PRTFDC1: variants seen among roughly 807,000 people sequenced by gnomAD.
The protein encoded by PRTFDC1 is phosphoribosyl transferase domain containing 1, also known as phosphoribosyltransferase domain-containing protein 1.
In PRTFDC1, 38 loss-of-function variants were observed where a neutral mutation model predicts 34.6. That is an observed-to-expected ratio of 1.10 (90% CI 0.85 to 1.44). PRTFDC1 has a LOEUF of 1.44. Ranked by LOEUF, PRTFDC1 falls within the 40% of genes most tolerant of loss-of-function variation. The probability of loss-of-function intolerance (pLI) is 0.00; values close to 1 mark genes in which losing one functional copy is unlikely to be tolerated. For synonymous variants in PRTFDC1, 93 were observed against 98.1 expected (o/e 0.95, Z 0.31); for missense variants, 270 against 283.0 (o/e 0.95, Z 0.33).
At chr10:24,925,437 A>G (rs1185187317) in intron 3 of PRTFDC1, among the ~76,000 whole-genome samples, 1 of 152,212 alleles carries the variant, frequency 6.6e-6, no homozygotes, top group Non-Finnish European at 1.5e-5. Flanking sequence ...AAACCTGCAC[A>G]TTGTGCACAT....
At chr10:24,904,538 T>C (rs1442262576) in intron 3 of PRTFDC1, among the ~76,000 whole-genome samples, 2 of 152,208 alleles carry the variant, frequency 1.3e-5, no homozygotes, top group Non-Finnish European at 2.9e-5. Flanking sequence ...GTCTGCTACA[T>C]GGAAGCCTGG....
chr10:24,900,622 T>A (rs547493310), intron 3 of PRTFDC1, among the ~76,000 whole-genome samples: 8 of 152,234 alleles, frequency 5.3e-5, no homozygotes, highest in Admixed American at 5.2e-4. Context: ...CTCTTTATTC[T>A]TTTAAATATT....
At chr10:24,928,867 CT>C (rs1848922521) in intron 3 of PRTFDC1, among the ~76,000 whole-genome samples, 1 of 151,508 alleles carries the variant, frequency 6.6e-6, no homozygotes, top group African/African-American at 2.4e-5. Flanking sequence ...GAAACCCTGT[CT>C]CTACTAAAAA....
At chr10:24,864,311 T>C (rs753824191) in intron 4 of PRTFDC1, among the ~76,000 whole-genome samples, 9 of 152,180 alleles carry the variant, frequency 5.9e-5, no homozygotes, top group Non-Finnish European at 1.3e-4. Flanking sequence ...AGGATTAACT[T>C]CAATTTTGAA....
At chr10:24,907,861 A>G (rs1848561327) in intron 3 of PRTFDC1, among the ~76,000 whole-genome samples, 1 of 152,234 alleles carries the variant, frequency 6.6e-6, no homozygotes, top group African/African-American at 2.4e-5. Flanking sequence ...TTTTAAAACT[A>G]CAAGTTCATT....
At chr10:24,895,726 T>TATATATATA (rs1429341736) in intron 3 of PRTFDC1, among the ~76,000 whole-genome samples, 1 of 140,854 alleles carries the variant, frequency 7.1e-6, no homozygotes, top group African/African-American at 2.6e-5. Context: ...TATATATATA[T>TATATATATA]ATCTGTAAAT....
At chr10:24,943,382 T>A (rs1456368516) in intron 1 of PRTFDC1, among the ~76,000 whole-genome samples, 1 of 152,078 alleles carries the variant, frequency 6.6e-6, no homozygotes, top group Non-Finnish European at 1.5e-5. Flanking sequence ...CCCTCTCGCT[T>A]AGGACTTGAT....
chr10:24,890,134 T>C (rs1252900014), intron 3 of PRTFDC1, among the ~76,000 whole-genome samples: 1 of 152,192 alleles, frequency 6.6e-6, no homozygotes, highest in African/African-American at 2.4e-5. Flanking sequence ...TGTACCAATT[T>C]GTTGGCGGAA....
intron 4 of PRTFDC1, among the ~76,000 whole-genome samples, chr10:24,866,115 C>A (rs1336289796): frequency 4.6e-5 from 7 of 152,006 alleles, no homozygotes; most frequent in African/African-American, 1.7e-4. Context: ...AATCTCAGCA[C>A]TTTGGGAGGC....
At chr10:24,850,003 A>C in intron 8 of PRTFDC1, 112 bp from the exon 9 acceptor site, 3 of 975,188 alleles carry the variant, frequency 3.1e-6, no homozygotes, top group Non-Finnish European at 4.9e-6. Flanking sequence ...TGATCATTTA[A>C]ATAGAAATGT....
chr10:24,884,986 C>A, intron 3 of PRTFDC1, among the ~76,000 whole-genome samples: 1 of 152,188 alleles, frequency 6.6e-6, no homozygotes. Context: ...GTCCTGTCCC[C>A]ACCTGGGGGC....
At position 24,920,545 on chromosome 10, in the gene PRTFDC1, C is replaced by T. The variant is rs138992507; in HGVS notation, c.339+16639G>A. On this transcript the variant is annotated intron_variant, in intron 3 of 8. Coordinates refer to ENST00000320152, the MANE Select transcript of PRTFDC1 (RefSeq NM_020200.7). ...TAGGTCCTGTTGGGGATGGAAGATG[C>T]GGCGACAGCATCAGGATAAATAGCT... Among the ~76,000 whole-genome samples, 401 of 151,058 alleles carry T rather than the reference C, an allele frequency of 2.7e-3. 2 individuals carry two copies. The highest frequency in any genetic ancestry group is 8.3e-3 in the African/African-American group (339 of 40,656).
intron 3 of PRTFDC1, among the ~76,000 whole-genome samples, chr10:24,928,903 G>C (rs1848924554): frequency 6.6e-6 from 1 of 151,684 alleles, no homozygotes; most frequent in Admixed American, 6.6e-5. Flanking sequence ...AGCCGGGCGT[G>C]GTGGCGGGCG....
chr10:24,856,933 G>A lies in PRTFDC1; in HGVS notation c.486C>T (p.Pro162=). 1.2e-6 allele frequency: 2 copies of A among 1,613,050 alleles called. No homozygotes were observed. The highest frequency in any genetic ancestry group is 1.7e-6 in the Non-Finnish European group (2 of 1,179,026). Residue 162 remains proline (P), a synonymous_variant, in exon 6 of 9, where the codon CCC becomes CCT. Coordinates refer to ENST00000320152, the MANE Select transcript of PRTFDC1 (RefSeq NM_020200.7). ...ALLSNIEKYK[P]NMIKVASLLV... ...CTCACCTGGCTACCTTAATCATGTT[G>A]GGCTTGTATTTCTCTATATTGCTGA...
At chr10:24,919,353 G>A (rs907588491) in intron 3 of PRTFDC1, among the ~76,000 whole-genome samples, 5 of 152,122 alleles carry the variant, frequency 3.3e-5, no homozygotes, top group Middle Eastern at 3.2e-3. Flanking sequence ...TCTGATCTTT[G>A]ACAAACCAGA....
At chr10:24,882,789 T>C (rs980704581) in intron 3 of PRTFDC1, among the ~76,000 whole-genome samples, 1 of 151,412 alleles carries the variant, frequency 6.6e-6, no homozygotes, top group African/African-American at 2.4e-5. Flanking sequence ...TACAGGTGTG[T>C]GCCACCATGC....
chr10:24,916,828 C>T (rs972956444), intron 3 of PRTFDC1, among the ~76,000 whole-genome samples: 4 of 152,182 alleles, frequency 2.6e-5, no homozygotes, highest in Non-Finnish European at 5.9e-5. Context: ...ACGAGTGTAA[C>T]TATTTGGCGA....
At chr10:24,943,186 GAA>G (rs1849196634) in intron 1 of PRTFDC1, among the ~76,000 whole-genome samples, 1 of 125,528 alleles carries the variant, frequency 8.0e-6, no homozygotes. Flanking sequence ...CATCTGCCTG[GAA>G]AAGATTTCTT....
chr10:24,937,114 C>T (rs1849062959), intron 3 of PRTFDC1, 70 bp downstream of exon 3: 2 of 1,358,386 alleles, frequency 1.5e-6, no homozygotes, highest in African/African-American at 2.9e-5. Flanking sequence ...ATTTTCATAA[C>T]ATTATTGATT....
Sources: allele counts gnomAD v4.1 joint callset (sites outside exome capture counted in the v4.1 genomes callset), GRCh38; gene constraint gnomAD v4.1.1; transcripts MANE v1.5; gene names NCBI Gene and HGNC (gene_info 2026-07-23, HGNC 2026-07-21).